MAGI2: variants seen among roughly 807,000 people sequenced by gnomAD.
MAGI2 encodes membrane-associated guanylate kinase, WW and PDZ domain-containing protein 2.
A neutral mutation model predicts 133.3 loss-of-function variants in MAGI2; 35 were observed. The observed-to-expected ratio is 0.26, with a 90% confidence interval of 0.20 to 0.35. The LOEUF (loss-of-function observed/expected upper bound fraction) is 0.35. MAGI2 is among the 10% of genes least tolerant of loss of function. MAGI2 has a pLI of 1.00. For synonymous variants in MAGI2, 729 were observed against 710.6 expected (o/e 1.03, Z -0.41); for missense variants, 1,636 against 1,863.4 (o/e 0.88, Z 2.25).
chr7:78,426,044 C>G (rs908342157), intron 6 of MAGI2, among the ~76,000 whole-genome samples: 1 of 152,098 alleles, frequency 6.6e-6, no homozygotes, highest in African/African-American at 2.4e-5. Context: ...TTAGAATGAG[C>G]AGATGAGGAC....
intron 10 of MAGI2, among the ~76,000 whole-genome samples, chr7:78,248,748 G>C (rs1314830177): frequency 6.6e-6 from 1 of 152,066 alleles, no homozygotes; most frequent in Non-Finnish European, 1.5e-5. Flanking sequence ...TTAAACGTAA[G>C]ATCCAAAACT....
chr7:79,078,183 G>T (rs1815709948), intron 1 of MAGI2, among the ~76,000 whole-genome samples: 1 of 152,120 alleles, frequency 6.6e-6, no homozygotes, highest in Non-Finnish European at 1.5e-5. Context: ...CATGTGAAGA[G>T]GCCCATGGAA....
chr7:78,869,566 C>T (rs1237367983), intron 2 of MAGI2, among the ~76,000 whole-genome samples: 2 of 152,152 alleles, frequency 1.3e-5, no homozygotes, highest in African/African-American at 4.8e-5. Flanking sequence ...AATTGACTCA[C>T]ACTTCTGCAC....
At chr7:78,887,351 G>A (rs550038117) in intron 2 of MAGI2, among the ~76,000 whole-genome samples, 274 of 152,280 alleles carry the variant, frequency 1.8e-3, no homozygotes, top group Non-Finnish European at 3.3e-3. Flanking sequence ...GTAGTTTCAA[G>A]TTCACCAGAG....
At chr7:79,264,044 A>G (rs1834268207) in intron 1 of MAGI2, among the ~76,000 whole-genome samples, 3 of 152,138 alleles carry the variant, frequency 2.0e-5, no homozygotes, top group South Asian at 4.1e-4. Context: ...AAGCCACCAC[A>G]TTTTTTTAAA....
chr7:78,856,894 T>A (rs1462319993), intron 2 of MAGI2, among the ~76,000 whole-genome samples: 2 of 152,222 alleles, frequency 1.3e-5, no homozygotes, highest in Non-Finnish European at 2.9e-5. Context: ...GCATGGAATG[T>A]TCTTCCATTT....
At chr7:78,616,620 C>T (rs1450702792) in intron 3 of MAGI2, 1 of 152,128 alleles carries the variant, frequency 6.6e-6, no homozygotes, top group Non-Finnish European at 1.5e-5. Context: ...GAGAAAGAGA[C>T]TCACAATGTT....
At chr7:79,132,386 G>A (rs952623546) in intron 1 of MAGI2, among the ~76,000 whole-genome samples, 2 of 152,014 alleles carry the variant, frequency 1.3e-5, no homozygotes, top group Non-Finnish European at 2.9e-5. Flanking sequence ...TTATAAATGA[G>A]AACATATAGT....
intron 2 of MAGI2, among the ~76,000 whole-genome samples, chr7:78,820,088 G>C (rs542757753): frequency 6.6e-6 from 1 of 152,030 alleles, no homozygotes; most frequent in South Asian, 2.1e-4. Flanking sequence ...TTAGTGGGGA[G>C]TCAAAAACAT....
At chr7:78,891,966 A>G (rs542528767) in intron 2 of MAGI2, among the ~76,000 whole-genome samples, 4 of 152,330 alleles carry the variant, frequency 2.6e-5, no homozygotes, top group African/African-American at 9.6e-5. Context: ...ACATGATTGT[A>G]TATCCAGAAA....
chr7:78,984,722 C>G (rs998084804), intron 2 of MAGI2, among the ~76,000 whole-genome samples: 1 of 152,000 alleles, frequency 6.6e-6, no homozygotes, highest in African/African-American at 2.4e-5. Context: ...CCCACACACA[C>G]TCAGCACTAT....
At chr7:78,647,948 A>ACT (rs1472917655) in intron 2 of MAGI2, among the ~76,000 whole-genome samples, 1 of 152,184 alleles carries the variant, frequency 6.6e-6, no homozygotes, top group East Asian at 1.9e-4. Context: ...TTGAACAATG[A>ACT]GAACACATGG....
rs1372990995 is a variant in MAGI2, at chr7:79,077,587, AAAAAAAAATAAATAAAT to A, written c.302-70398_302-70382del. ...GAGACTGCCTCTCAAAAAAAAAAAA[AAAAAAAAATAAATAAAT>A]AAATAAATTCCCTTTTGCTTAACTA... On this transcript the variant is annotated intron_variant, in intron 1 of 21. Coordinates refer to ENST00000354212, the MANE Select transcript of MAGI2 (RefSeq NM_012301.4). Among the ~76,000 whole-genome samples, 28 of 135,408 alleles carry A rather than the reference AAAAAAAAATAAATAAAT, an allele frequency of 2.1e-4. 5 individuals carry two copies. The highest frequency in any genetic ancestry group is 6.1e-4 in the African/African-American group (22 of 36,352). 88.8% of individuals were successfully genotyped at this position (135,408 alleles called of 152,430 possible).
chr7:78,563,974 A>C (rs1800668618), intron 3 of MAGI2, among the ~76,000 whole-genome samples: 1 of 152,210 alleles, frequency 6.6e-6, no homozygotes, highest in Admixed American at 6.5e-5. Flanking sequence ...TCAAAGTCAT[A>C]TTTGAATAGG....
chr7:78,044,704 T>TGTGC (rs1554419064), intron 21 of MAGI2, among the ~76,000 whole-genome samples: 1 of 121,166 alleles, frequency 8.3e-6, no homozygotes, highest in Non-Finnish European at 1.7e-5. Flanking sequence ...TGTGTGTGTG[T>TGTGC]GCACGTGTGC....
At chr7:78,812,495 A>C (rs1789155549) in intron 2 of MAGI2, among the ~76,000 whole-genome samples, 1 of 152,086 alleles carries the variant, frequency 6.6e-6, no homozygotes, top group South Asian at 2.1e-4. Context: ...ACATAACTTA[A>C]AACCAGCCCA....
intron 1 of MAGI2, among the ~76,000 whole-genome samples, chr7:79,185,356 G>A (rs1826986421): frequency 6.6e-6 from 1 of 151,738 alleles, no homozygotes. Context: ...TTTCAAACAT[G>A]TTTTTCAAAA....
chr7:78,437,274 G>A (rs1800387800), intron 6 of MAGI2, among the ~76,000 whole-genome samples: 1 of 152,136 alleles, frequency 6.6e-6, no homozygotes, highest in Admixed American at 6.6e-5. Context: ...GCTCACACGT[G>A]AGCAGGAGCT....
Position 79,304,199 on chromosome 7 carries a change from GTGTC to G in MAGI2, c.301+148817_301+148820del, listed in dbSNP as rs1203774091. Among the ~76,000 whole-genome samples the G allele has an allele frequency of 3.3e-5, 4 of 119,810 alleles. No individual in the cohort carries two copies. In the East Asian group the frequency reaches 1.6e-3, roughly 48 times the overall value. The allele number at this position is 119,810 out of a possible 152,430, so 78.6% of individuals were successfully genotyped here. ...AACTGGGATGTGTGTGTGTGTGTGTGTGTCTGTGTGTGTGTGTGTGTGTGTGTGT... is the reference window on the plus strand; with the variant it reads ...AACTGGGATGTGTGTGTGTGTGTGTGTGTGTGTGTGTGTGTGTGTGTGTGT... On this transcript the variant is annotated intron_variant, in intron 1 of 21. Coordinates refer to ENST00000354212, the MANE Select transcript of MAGI2 (RefSeq NM_012301.4).
Sources: allele counts gnomAD v4.1 joint callset (sites outside exome capture counted in the v4.1 genomes callset), GRCh38; gene constraint gnomAD v4.1.1; transcripts MANE v1.5; gene names NCBI Gene and HGNC (gene_info 2026-07-23, HGNC 2026-07-21).